NCS1: variants seen among roughly 807,000 people sequenced by gnomAD.
NCS1 encodes the protein neuronal calcium sensor 1.
Under a neutral mutation model 28.4 loss-of-function variants are expected in NCS1, and 6 were observed. That is an observed-to-expected ratio of 0.21 (90% CI 0.12 to 0.42). The LOEUF (loss-of-function observed/expected upper bound fraction) is 0.42. Among genes scored for constraint, NCS1 ranks in the 10% least tolerant of loss-of-function variants. The pLI is 1.00. For synonymous variants in NCS1, 86 were observed against 99.3 expected, an observed-to-expected ratio of 0.87 and a Z score of 0.79; for missense variants, 131 against 241.4, an observed-to-expected ratio of 0.54 and a Z score of 3.03.
At chr9:130,173,253 G>T (rs1050886438) in intron 1 of NCS1, among the ~76,000 whole-genome samples, 1 of 151,968 alleles carries the variant, frequency 6.6e-6, no homozygotes, top group African/African-American at 2.4e-5. Flanking sequence ...TGACGGCGGT[G>T]AAGGGTCCCC....
chr9:130,203,109 T>C (rs1015975578), intron 2 of NCS1, among the ~76,000 whole-genome samples: 3 of 147,704 alleles, frequency 2.0e-5, no homozygotes, highest in South Asian at 4.3e-4. Context: ...TGTGTGTGTG[T>C]GTGCGTGTGT....
intron 2 of NCS1, among the ~76,000 whole-genome samples, chr9:130,204,119 A>G (rs1172304273): frequency 2.0e-5 from 3 of 152,042 alleles, no homozygotes; most frequent in Non-Finnish European, 4.4e-5. Context: ...CAGCCTCCCA[A>G]GTAGCTGGGA....
At position 130,201,933 on chromosome 9, in the gene NCS1, C is replaced by T. The variant is rs558227788; in HGVS notation, c.89+951C>T. ...ATGTGGCTCTGCTTCCTGGAATGCC[C>T]GCCTTCCTTCCTGGGCCATCTGAAC... On this transcript the variant is annotated intron_variant, in intron 2 of 7. Transcript: ENST00000372398. Among the ~76,000 whole-genome samples the T allele has an allele frequency of 3.3e-5, 5 of 152,346 alleles. No homozygotes were observed. In the South Asian group the frequency reaches 8.3e-4, roughly 25 times the overall value.
At chr9:130,213,557 G>C (rs1833142498) in intron 2 of NCS1, among the ~76,000 whole-genome samples, 1 of 151,500 alleles carries the variant, frequency 6.6e-6, no homozygotes, top group Non-Finnish European at 1.5e-5. Context: ...GGGATTACAG[G>C]TGTGAGTCAC....
intron 1 of NCS1, among the ~76,000 whole-genome samples, chr9:130,195,952 C>T (rs1408338472): frequency 2.6e-5 from 4 of 152,292 alleles, no homozygotes; most frequent in Middle Eastern, 3.4e-3. Context: ...CCAGACCCAC[C>T]GAGGGAGGCA....
At chr9:130,222,773 A>G in intron 5 of NCS1, 35 bp downstream of exon 5, 1 of 1,597,018 alleles carries the variant, frequency 6.3e-7, no homozygotes, top group Non-Finnish European at 8.6e-7. Flanking sequence ...TAGGGGTGGC[A>G]GGAGGGGCAA....
At chr9:130,189,879 A>AAAAAAATATATATATATATATAT (rs1554906056) in intron 1 of NCS1, among the ~76,000 whole-genome samples, 1 of 37,748 alleles carries the variant, frequency 2.6e-5, no homozygotes, top group African/African-American at 1.2e-4. Flanking sequence ...AAAAAAAAAA[A>AAAAAAATATATATATATATATAT]ATATATATAT....
intron 1 of NCS1, among the ~76,000 whole-genome samples, chr9:130,178,997 C>T (rs1268566056): frequency 7.6e-5 from 11 of 145,576 alleles, no homozygotes; most frequent in Non-Finnish European, 1.3e-4. Flanking sequence ...TACGGTGGCA[C>T]GATCTTGGCT....
chr9:130,234,077 A>G lies in NCS1; in HGVS notation c.*1105A>G, dbSNP rs1833541471. ...GGAGCTGGAAGAAGGGGCATTGGGTACCCAGGCAGAGTCAGGAGAGGTGGT... is the reference window on the plus strand; with the variant it reads ...GGAGCTGGAAGAAGGGGCATTGGGTGCCCAGGCAGAGTCAGGAGAGGTGGT... On this transcript the variant is annotated 3_prime_UTR_variant, in exon 8 of 8. Transcript: ENST00000372398. The surrounding 1 kb of genome is among the most constrained non-coding windows in gnomAD (Gnocchi z 6.1). 1 of 152,132 alleles carries G rather than the reference A, an allele frequency of 6.6e-6. No homozygotes were observed. Among genetic ancestry groups the G allele is most frequent in the Non-Finnish European group, 1.5e-5 (1 of 68,032 alleles). 9.4% of individuals were successfully genotyped at this position (152,132 alleles called of 1,614,324 possible).
chr9:130,200,519 C>T, intron 1 of NCS1: 1 of 1,534,736 alleles, frequency 6.5e-7, no homozygotes, highest in South Asian at 1.2e-5. Context: ...CCTAGCTCCC[C>T]CCACCCCCCC....
intron 1 of NCS1, among the ~76,000 whole-genome samples, chr9:130,176,517 A>G (rs1330906062): frequency 1.3e-5 from 2 of 152,162 alleles, no homozygotes; most frequent in Non-Finnish European, 2.9e-5. Context: ...CATTTTGACC[A>G]TACAATACAG....
rs1334966847 is a variant in NCS1 at position 130,219,481 on chromosome 9, CCTT to C, written c.229-239_229-237del. ...GTAAGCCTCTCCGTTCAGCCTCAGT[CCTT>C]CTTCCTGTGCCTCCCTCCTGGCCTC... On this transcript the variant is annotated intron_variant, in intron 3 of 7. Coordinates refer to ENST00000372398, the MANE Select transcript of NCS1 (RefSeq NM_014286.4). The surrounding 1 kb of genome is among the most constrained non-coding windows in gnomAD (Gnocchi z 5.7). 2.6e-5 allele frequency among the ~76,000 whole-genome samples: 4 copies of C among 152,120 alleles called. No homozygotes were observed. The highest frequency in any genetic ancestry group is 4.4e-5 in the Non-Finnish European group (3 of 68,004).
At chr9:130,201,711 C>G (rs1554907485) in intron 2 of NCS1, among the ~76,000 whole-genome samples, 1 of 152,102 alleles carries the variant, frequency 6.6e-6, no homozygotes, top group Non-Finnish European at 1.5e-5. Flanking sequence ...CCCCCAGGAG[C>G]CTCCAGGGCC....
rs1336599049 is a variant in NCS1 at position 130,191,606 on chromosome 9, A to G, written c.65-9352A>G. On this transcript the variant is annotated intron_variant, in intron 1 of 7. Transcript: ENST00000372398. The surrounding 1 kb of genome is among the most constrained non-coding windows in gnomAD (Gnocchi z 6.4). ...CTCCCCTGATGAGCCCAGGTGCCTCATCCTGAGACAGATACAGCAACAGCC... is the reference window on the plus strand; with the variant it reads ...CTCCCCTGATGAGCCCAGGTGCCTCGTCCTGAGACAGATACAGCAACAGCC... Among the ~76,000 whole-genome samples the G allele has an allele frequency of 1.3e-5, 2 of 152,152 alleles. No individual in the cohort carries two copies. Among genetic ancestry groups the G allele is most frequent in the Middle Eastern group, 3.2e-3 (1 of 316 alleles).
At position 130,226,546 on chromosome 9, in the gene NCS1, CAG is replaced by C; in HGVS notation, c.*17+43_*17+44del. 1 of 1,465,090 alleles carries C rather than the reference CAG, an allele frequency of 6.8e-7. No individual in the cohort carries two copies. 90.8% of individuals were successfully genotyped at this position (1,465,090 alleles called of 1,614,324 possible). A position where few individuals can be genotyped will look rare whatever the true frequency, so the allele number is the denominator to read the frequency against. On this transcript the variant is annotated intron_variant, in intron 7 of 7. Transcript: ENST00000372398. The surrounding 1 kb of genome is among the most constrained non-coding windows in gnomAD (Gnocchi z 4.8). ...GGCCTGGGGTGGGTCTGGGATGGGTCAGGGGTGAAAACCCAGCAGCAGGACAC... is the reference window on the plus strand; with the variant it reads ...GGCCTGGGGTGGGTCTGGGATGGGTCGGGTGAAAACCCAGCAGCAGGACAC...
rs138198883 is a variant in NCS1 at position 130,203,314 on chromosome 9, C to T, written c.89+2332C>T. Reference sequence around the variant, plus strand: ...TTCTATTTGTAGAGACGGGGTTTTGCCATGTTGGCCAGGCTGGTCTTGAAC... The same window carrying T: ...TTCTATTTGTAGAGACGGGGTTTTGTCATGTTGGCCAGGCTGGTCTTGAAC... On this transcript the variant is annotated intron_variant, in intron 2 of 7. Transcript: ENST00000372398. 3.1e-3 allele frequency among the ~76,000 whole-genome samples: 469 copies of T among 152,050 alleles called. 4 individuals carry two copies. Among genetic ancestry groups the T allele is most frequent in the African/African-American group, 0.011 (450 of 41,472 alleles).
Position 130,191,168 on chromosome 9 carries a change from G to T in NCS1, c.65-9790G>T, listed in dbSNP as rs926387508. 6.6e-6 allele frequency among the ~76,000 whole-genome samples: 1 copy of T among 152,198 alleles called. No individual in the cohort carries two copies. On this transcript the variant is annotated intron_variant, in intron 1 of 7. Coordinates refer to ENST00000372398, the MANE Select transcript of NCS1 (RefSeq NM_014286.4). This position sits in a 1 kb window ranked among gnomAD's most constrained non-coding sequence, Gnocchi z 6.4. ...AGCACGCTGACCCAGGCCACGTGGCGACTGGATAGTTGGTAGACCCATCTG... is the reference window on the plus strand; with the variant it reads ...AGCACGCTGACCCAGGCCACGTGGCTACTGGATAGTTGGTAGACCCATCTG...
At chr9:130,221,824 G>A in intron 4 of NCS1, among the ~76,000 whole-genome samples, 1 of 106,984 alleles carries the variant, frequency 9.3e-6, no homozygotes, top group Non-Finnish European at 1.9e-5. Flanking sequence ...TATAAATTAT[G>A]TATATATAAA....
At chr9:130,216,167 G>A (rs1486035204) in intron 2 of NCS1, among the ~76,000 whole-genome samples, 1 of 152,190 alleles carries the variant, frequency 6.6e-6, no homozygotes, top group Admixed American at 6.5e-5. Context: ...TCTCTGTATG[G>A]ACCCTAATCA....
Sources: gnomAD v4.1 joint callset for allele counts (sites outside exome capture counted in the v4.1 genomes callset) on GRCh38, gnomAD v4.1.1 for gene constraint, Gnocchi (gnomAD v3.1) non-coding constraint, MANE v1.5 for transcripts, NCBI Gene and HGNC (gene_info 2026-07-23, HGNC 2026-07-21) for gene names.